The following MACROD2 variants were observed in gnomAD, a reference collection of about 807,000 sequenced individuals.
MACROD2 encodes ADP-ribose glycohydrolase MACROD2.
In MACROD2, 36 loss-of-function variants were observed where a neutral mutation model predicts 70.4. The observed-to-expected ratio is 0.51, with a 90% CI of 0.39 to 0.68. MACROD2 has a LOEUF of 0.68. Ranked by LOEUF, MACROD2 falls within the 30% of genes least tolerant of loss-of-function variation. MACROD2 has a pLI of 0.00. For synonymous variants in MACROD2, 172 were observed against 178.8 expected, an observed-to-expected ratio of 0.96 and a Z score of 0.30; for missense variants, 496 against 538.4, an observed-to-expected ratio of 0.92 and a Z score of 0.78.
At chr20:13,998,941 C>G (rs1347007581) in intron 1 of MACROD2, among the ~76,000 whole-genome samples, 1 of 129,260 alleles carries the variant, frequency 7.7e-6, no homozygotes, top group Non-Finnish European at 1.6e-5. Flanking sequence ...AATGACAGAG[C>G]AAGACTCCGT....
intron 5 of MACROD2, among the ~76,000 whole-genome samples, chr20:15,042,859 T>C (rs1384614887): frequency 6.6e-6 from 1 of 152,216 alleles, no homozygotes; most frequent in Admixed American, 6.5e-5. Flanking sequence ...TGAGGGAATA[T>C]AGATGAGTAG....
chr20:15,145,679 C>T (rs1299762771), intron 5 of MACROD2, among the ~76,000 whole-genome samples: 1 of 152,016 alleles, frequency 6.6e-6, no homozygotes, highest in Non-Finnish European at 1.5e-5. Flanking sequence ...TAACCATTAC[C>T]ACGACATTTA....
intron 8 of MACROD2, among the ~76,000 whole-genome samples, chr20:15,828,799 G>T (rs1377779392): frequency 6.6e-6 from 1 of 152,148 alleles, no homozygotes; most frequent in South Asian, 2.1e-4. Flanking sequence ...TGAAAAACTG[G>T]TTAACATTTA....
chr20:15,545,310 A>C (rs1222523074), intron 8 of MACROD2, among the ~76,000 whole-genome samples: 1 of 152,262 alleles, frequency 6.6e-6, no homozygotes, highest in Non-Finnish European at 1.5e-5. Context: ...GGCTGCAGGC[A>C]AAATATTAAG....
At chr20:14,975,343 A>G (rs926486908) in intron 5 of MACROD2, among the ~76,000 whole-genome samples, 1 of 152,108 alleles carries the variant, frequency 6.6e-6, no homozygotes, top group African/African-American at 2.4e-5. Flanking sequence ...GCGTATCCAT[A>G]GAAATTCTTA....
intron 2 of MACROD2, among the ~76,000 whole-genome samples, chr20:14,069,418 T>A (rs1291064471): frequency 6.6e-6 from 1 of 152,068 alleles, no homozygotes; most frequent in African/African-American, 2.4e-5. Context: ...CAGGGCATTC[T>A]TTGCTTTCAG....
At chr20:15,779,257 T>C (rs1180761878) in intron 8 of MACROD2, among the ~76,000 whole-genome samples, 1 of 152,152 alleles carries the variant, frequency 6.6e-6, no homozygotes, top group East Asian at 1.9e-4. Context: ...ATTATCCCTT[T>C]ATGTGCATTA....
intron 8 of MACROD2, among the ~76,000 whole-genome samples, chr20:15,608,496 C>T (rs760211872): frequency 2.0e-5 from 3 of 152,164 alleles, no homozygotes; most frequent in Non-Finnish European, 1.5e-5. Flanking sequence ...ATCAAGGAGC[C>T]GAGCCTAACT....
chr20:15,876,115 G>A (rs6043587), intron 9 of MACROD2, among the ~76,000 whole-genome samples: 127,919 of 138,350 alleles, frequency 0.92, 59,898 homozygotes, highest in East Asian at 0.99. Context: ...ATATATATGT[G>A]TGTATTTTTT....
In MACROD2 at chr20:14,923,948, A is replaced by G. The variant is rs1002797142; in HGVS notation, c.418+238989A>G. The stretch of plus-strand genomic sequence containing the variant: ...ATGACTGGTGGTCATTAAAAAGTTA[A>G]TTTTCCGTTTACGAGCAAACCTTTT... On this transcript the variant is annotated intron_variant, in intron 5 of 17. Coordinates refer to ENST00000684519, the MANE Select transcript of MACROD2 (RefSeq NM_001351661.2). Among the ~76,000 whole-genome samples the G allele has an allele frequency of 5.9e-5, 9 of 152,146 alleles. No individual in the cohort carries two copies. The East Asian group carries it at 1.5e-3, about 26-fold the overall frequency.
intron 8 of MACROD2, among the ~76,000 whole-genome samples, chr20:15,550,933 C>CCT (rs1313465556): frequency 6.6e-6 from 1 of 152,124 alleles, no homozygotes; most frequent in Admixed American, 6.5e-5. Flanking sequence ...TATCTCAATA[C>CCT]TGAAGTGAAA....
intron 5 of MACROD2, among the ~76,000 whole-genome samples, chr20:15,013,227 C>T (rs758930352): frequency 6.6e-6 from 1 of 152,054 alleles, no homozygotes; most frequent in Non-Finnish European, 1.5e-5. Flanking sequence ...CAACGAAGCC[C>T]CTGAGCCTCA....
chr20:14,611,857 T>C (rs1051573825), intron 4 of MACROD2, among the ~76,000 whole-genome samples: 7 of 152,164 alleles, frequency 4.6e-5, no homozygotes, highest in African/African-American at 1.7e-4. Flanking sequence ...TCTAATATTT[T>C]CTCTGTTCTT....
At chr20:15,568,653 T>C (rs1214914987) in intron 8 of MACROD2, among the ~76,000 whole-genome samples, 1 of 152,156 alleles carries the variant, frequency 6.6e-6, no homozygotes, top group East Asian at 1.9e-4. Context: ...TAGTTCCAAA[T>C]GAACTGCAAG....
chr20:15,418,114 A>C (rs1279513295), intron 6 of MACROD2, among the ~76,000 whole-genome samples: 1 of 152,142 alleles, frequency 6.6e-6, no homozygotes, highest in Non-Finnish European at 1.5e-5. Context: ...GACTCTGGGG[A>C]GGTTACTCAC....
chr20:15,089,651 A>G (rs973215388), intron 5 of MACROD2, among the ~76,000 whole-genome samples: 2 of 151,464 alleles, frequency 1.3e-5, no homozygotes, highest in Non-Finnish European at 1.5e-5. Flanking sequence ...CTTGGTGTCA[A>G]CTCCTTTACG....
chr20:15,889,046 G>A (rs774042595), intron 10 of MACROD2, among the ~76,000 whole-genome samples: 3 of 152,150 alleles, frequency 2.0e-5, no homozygotes, highest in Admixed American at 2.0e-4. Flanking sequence ...AACTGGCCAA[G>A]ACATGCTAGT....
intron 2 of MACROD2, among the ~76,000 whole-genome samples, chr20:14,063,447 C>T (rs368489089): frequency 2.6e-5 from 4 of 152,264 alleles, no homozygotes; most frequent in Admixed American, 2.0e-4. Context: ...TGAAACTGTT[C>T]TTGCCATGGT....
intron 5 of MACROD2, among the ~76,000 whole-genome samples, chr20:14,935,911 G>T (rs1427237942): frequency 6.6e-6 from 1 of 152,016 alleles, no homozygotes; most frequent in African/African-American, 2.4e-5. Context: ...TATTTTACTG[G>T]ATTTGAATCA....
Sources: gnomAD v4.1 joint callset for allele counts (sites outside exome capture counted in the v4.1 genomes callset) on GRCh38, gnomAD v4.1.1 for gene constraint, MANE v1.5 for transcripts, NCBI Gene and HGNC (gene_info 2026-07-23, HGNC 2026-07-21) for gene names.